Variants in ITPR1 observed in about 807,000 individuals in gnomAD.
ITPR1 encodes inositol 1,4,5-trisphosphate receptor type 1, also known as inositol 1,4,5-trisphosphate-gated calcium channel ITPR1.
Under a neutral mutation model 318.4 loss-of-function variants are expected in ITPR1, and 96 were observed. The observed-to-expected ratio is 0.30, with a 90% CI of 0.26 to 0.36. ITPR1 has a LOEUF of 0.36. Among genes scored for constraint, ITPR1 ranks in the 10% least tolerant of loss-of-function variants. ITPR1 has a pLI of 1.00. For missense variants in ITPR1, 2,440 were observed against 3,460.2 expected (o/e 0.71, Z 7.40); for synonymous variants, 1,312 against 1,289.9 (o/e 1.02, Z -0.37).
chr3:4,828,440 A>G (rs2050221874), intron 60 of ITPR1, among the ~76,000 whole-genome samples: 3 of 152,180 alleles, frequency 2.0e-5, no homozygotes, highest in Non-Finnish European at 2.9e-5. Context: ...ATTGTTCTCT[A>G]TTCAGAGTCT....
At chr3:4,558,931 AACCACAAT>A (rs1240876110) in intron 4 of ITPR1, among the ~76,000 whole-genome samples, 4 of 152,152 alleles carry the variant, frequency 2.6e-5, no homozygotes, top group Non-Finnish European at 5.9e-5. Context: ...CTACTTAGAT[AACCACAAT>A]ACCATTATCA....
chr3:4,760,841 T>C (rs1320926049), intron 44 of ITPR1, among the ~76,000 whole-genome samples: 2 of 152,200 alleles, frequency 1.3e-5, no homozygotes, highest in African/African-American at 2.4e-5. Flanking sequence ...CTTGTAATTA[T>C]GTTGGGCCCA....
rs1000646311 is a variant in ITPR1 at position 4,670,897 on chromosome 3, G to A, written c.2175G>A (p.Lys725=). Residue 725 remains lysine, a synonymous_variant, in exon 20 of 62, where the codon AAG becomes AAA. Transcript: ENST00000649015. ...CTCAGGATGCTAAAGAAGGGCAGAA[G>A]GAGGACCGAGACGTTCTCAGCTACT... The part of the protein sequence containing the change: ...ELAQDAKEGQ[K]EDRDVLSYYR... 3 of 1,600,016 alleles carry A rather than the reference G, an allele frequency of 1.9e-6. No homozygotes were observed. The highest frequency in any genetic ancestry group is 2.6e-6 in the Non-Finnish European group (3 of 1,171,630).
At chr3:4,498,927 C>G (rs2080811987) in intron 2 of ITPR1, among the ~76,000 whole-genome samples, 1 of 152,208 alleles carries the variant, frequency 6.6e-6, no homozygotes, top group South Asian at 2.1e-4. Flanking sequence ...ATCAGTGATT[C>G]TCCTTAATAA....
At chr3:4,628,318 A>G (rs1280866173) in intron 5 of ITPR1, among the ~76,000 whole-genome samples, 4 of 152,230 alleles carry the variant, frequency 2.6e-5, no homozygotes, top group Non-Finnish European at 5.9e-5. Context: ...TAAAAGCCAC[A>G]TGAATGGTGC....
Position 4,801,462 on chromosome 3 carries a change from T to C in ITPR1, c.7107+862T>C, listed in dbSNP as rs147831956. On this transcript the variant is annotated intron_variant, in intron 54 of 61. Transcript: ENST00000649015. ...CAGCGGGGAGGAGGCAGGATGGAAG[T>C]TAGGGCTTAAGGAATGGAGGGCCAG... is the stretch of plus-strand genomic sequence containing the variant. 1.1e-4 allele frequency among the ~76,000 whole-genome samples: 17 copies of C among 152,018 alleles called. No individual in the cohort carries two copies. In the East Asian group the frequency reaches 3.3e-3, roughly 29 times the overall value.
At chr3:4,628,739 G>A (rs534641572) in intron 5 of ITPR1, among the ~76,000 whole-genome samples, 1 of 152,308 alleles carries the variant, frequency 6.6e-6, no homozygotes, top group East Asian at 1.9e-4. Context: ...GCTTGTTGCA[G>A]TGGGCTTTGT....
At chr3:4,556,418 G>A (rs188338477) in intron 4 of ITPR1, among the ~76,000 whole-genome samples, 20 of 152,148 alleles carry the variant, frequency 1.3e-4, no homozygotes, top group Admixed American at 2.0e-4. Flanking sequence ...CTGAAGTATC[G>A]TACAGAATAG....
rs772796310 is a variant in ITPR1 at position 4,811,239 on chromosome 3, A to G, written c.7273-26A>G. 8.7e-6 allele frequency: 13 copies of G among 1,496,704 alleles called. No individual in the cohort carries two copies. In the South Asian group the frequency reaches 1.8e-4, roughly 20 times the overall value. The allele number at this position is 1,496,704 out of a possible 1,614,324, so 92.7% of individuals were successfully genotyped here. ...TGTACATCTAACATCAAGGCTTCTTAAAATTCTTTTTGTTTGTTTTCAAAG... is the reference window on the plus strand; with the variant it reads ...TGTACATCTAACATCAAGGCTTCTTGAAATTCTTTTTGTTTGTTTTCAAAG... On this transcript the variant is annotated intron_variant, in intron 55 of 61. Coordinates refer to ENST00000649015, the MANE Select transcript of ITPR1 (RefSeq NM_001378452.1).
chr3:4,531,781 A>G (rs748066033), intron 4 of ITPR1, among the ~76,000 whole-genome samples: 4 of 151,938 alleles, frequency 2.6e-5, no homozygotes, highest in Admixed American at 2.0e-4. Flanking sequence ...TGCCCACTCA[A>G]CCTTCAAATC....
intron 61 of ITPR1, among the ~76,000 whole-genome samples, chr3:4,839,677 C>A (rs2051194896): frequency 6.6e-6 from 1 of 152,148 alleles, no homozygotes; most frequent in African/African-American, 2.4e-5. Flanking sequence ...CTTGGCATTT[C>A]TAAAATCCAA....
chr3:4,669,833 T>G, intron 19 of ITPR1, 60 bp downstream of exon 19: 1 of 1,487,160 alleles, frequency 6.7e-7, no homozygotes, highest in Non-Finnish European at 9.0e-7. Flanking sequence ...TTGGTGCTCA[T>G]GAGGAATAAA....
At chr3:4,521,974 A>G (rs1156745643) in intron 4 of ITPR1, among the ~76,000 whole-genome samples, 1 of 152,208 alleles carries the variant, frequency 6.6e-6, no homozygotes, top group African/African-American at 2.4e-5. Context: ...ATCTTTCTCC[A>G]AAGGTAGCTT....
At chr3:4,656,930 C>A (rs924430783) in intron 12 of ITPR1, among the ~76,000 whole-genome samples, 2 of 152,238 alleles carry the variant, frequency 1.3e-5, no homozygotes, top group African/African-American at 4.8e-5. Context: ...CTCTTCTGAG[C>A]AGACTCCTTG....
intron 2 of ITPR1, among the ~76,000 whole-genome samples, chr3:4,507,345 C>T (rs577833906): frequency 3.9e-5 from 6 of 152,148 alleles, no homozygotes; most frequent in African/African-American, 1.4e-4. Flanking sequence ...TCCTAGAGTA[C>T]ATAGGTAATT....
intron 44 of ITPR1, among the ~76,000 whole-genome samples, chr3:4,741,386 A>T (rs999160888): frequency 1.3e-5 from 2 of 152,166 alleles, no homozygotes; most frequent in African/African-American, 4.8e-5. Flanking sequence ...GTCTATTCCT[A>T]TGCCAAAGTC....
chr3:4,719,215 C>T (rs1385988125), intron 40 of ITPR1, among the ~76,000 whole-genome samples: 1 of 152,188 alleles, frequency 6.6e-6, no homozygotes, highest in Non-Finnish European at 1.5e-5. Context: ...GTTCTGGCAG[C>T]CACTCAGATT....
intron 4 of ITPR1, among the ~76,000 whole-genome samples, chr3:4,590,359 C>G (rs2090293043): frequency 6.6e-6 from 1 of 151,530 alleles, no homozygotes; most frequent in Non-Finnish European, 1.5e-5. Context: ...TGGCCATAAG[C>G]AGATGATGAA....
In ITPR1 at chr3:4,680,626, G is replaced by A. The variant is rs1181442307; in HGVS notation, c.3041G>A (p.Ser1014Asn). ...ATATTTAAGCGAGAGTTTGATGAAA[G>A]CAATTCCCAGACTTCAGAAACATCC... Reference protein sequence around the residue: ...LCIFKREFDESNSQTSETSSG... With the variant: ...LCIFKREFDENNSQTSETSSG... Residue 1014 changes from serine to asparagine, a missense_variant, in exon 25 of 62, where the codon AGC becomes AAC. Around this residue, in one of 23 missense-constraint regions of ITPR1, gnomAD observed 57 missense variants for 46.2 expected, o/e 1.23. Coordinates refer to ENST00000649015, the MANE Select transcript of ITPR1 (RefSeq NM_001378452.1). The A allele has an allele frequency of 1.9e-6, 3 of 1,613,750 alleles. No homozygotes were observed. The highest frequency in any genetic ancestry group is 3.3e-5 in the Admixed American group (2 of 60,026).
Sources: allele counts gnomAD v4.1 joint callset (sites outside exome capture counted in the v4.1 genomes callset), GRCh38; gene constraint gnomAD v4.1.1; regional missense constraint gnomAD v4.1.1; transcripts MANE v1.5; gene names NCBI Gene and HGNC (gene_info 2026-07-23, HGNC 2026-07-21).